DMD: variants seen among roughly 807,000 people sequenced by gnomAD.
DMD encodes the protein mutant dystrophin.
DMD carries 63 observed loss-of-function variants against 330.1 expected under a neutral mutation model. The ratio of observed to expected loss-of-function variants is 0.19; its 90% CI spans 0.16 to 0.24. The LOEUF is 0.24. DMD is among the 10% of genes least tolerant of loss of function. The probability of loss-of-function intolerance (pLI) is 1.00; values close to 1 mark genes in which losing one functional copy is unlikely to be tolerated. For missense variants in DMD, 3,344 were observed against 2,684.1 expected (o/e 1.25, Z -5.43); for synonymous variants, 1,223 against 959.8 (o/e 1.27, Z -5.07).
chrX:32,922,121 A>G (rs913768840), intron 2 of DMD, among the ~76,000 whole-genome samples: 2 of 110,774 alleles, frequency 1.8e-5, no homozygotes, highest in Admixed American at 1.9e-4. Flanking sequence ...AGGCTCCCCC[A>G]AAGGACTGAA....
intron 1 of DMD, among the ~76,000 whole-genome samples, chrX:33,172,995 A>G (rs936212596): frequency 1.8e-5 from 2 of 111,549 alleles, no homozygotes; most frequent in African/African-American, 3.2e-5. Flanking sequence ...CTTACTTAAC[A>G]AATTTTTTTT....
intron 17 of DMD, among the ~76,000 whole-genome samples, chrX:32,530,180 T>C (rs2047347554): frequency 8.9e-6 from 1 of 112,427 alleles, no homozygotes. Flanking sequence ...AATTATGGCA[T>C]ACCGAATTAT....
chrX:31,783,412 G>A (rs765024143), intron 50 of DMD, among the ~76,000 whole-genome samples: 154 of 110,815 alleles, frequency 1.4e-3, no homozygotes, highest in African/African-American at 4.9e-3. Context: ...AATAATTAGT[G>A]ATGTGTTTTG....
At chrX:33,174,101 A>G (rs1374245910) in intron 1 of DMD, among the ~76,000 whole-genome samples, 6 of 109,532 alleles carry the variant, frequency 5.5e-5, no homozygotes, top group Non-Finnish European at 1.1e-4. Flanking sequence ...TTGAGGGTAG[A>G]ATGACAAGGG....
At chrX:31,322,905 C>A (rs1167481484) in intron 62 of DMD, among the ~76,000 whole-genome samples, 1 of 111,631 alleles carries the variant, frequency 9.0e-6, no homozygotes, top group Non-Finnish European at 1.9e-5. Flanking sequence ...GACTCTAGTG[C>A]ACAATGGATG....
chrX:31,263,804 A>G (rs1424104805), intron 62 of DMD, among the ~76,000 whole-genome samples: 2 of 113,007 alleles, frequency 1.8e-5, no homozygotes, highest in African/African-American at 6.4e-5. Flanking sequence ...AGAAGTGAGC[A>G]CAAGTGGAAA....
intron 44 of DMD, among the ~76,000 whole-genome samples, chrX:32,018,395 A>T (rs1167033688): frequency 9.0e-6 from 1 of 111,265 alleles, no homozygotes; most frequent in Non-Finnish European, 1.9e-5. Flanking sequence ...TTGGCTGCTC[A>T]ATATACCACC....
chrX:31,694,979 T>C (rs1396633711), intron 52 of DMD, among the ~76,000 whole-genome samples: 5 of 110,998 alleles, frequency 4.5e-5, no homozygotes, highest in Non-Finnish European at 9.5e-5. Context: ...CTCACATTGT[T>C]GTAGCACTGT....
intron 63 of DMD, among the ~76,000 whole-genome samples, chrX:31,225,265 T>C (rs763534991): frequency 8.9e-6 from 1 of 112,092 alleles, no homozygotes; most frequent in South Asian, 3.7e-4. Context: ...ACTCCAAGGG[T>C]GGTTGGCTAG....
intron 63 of DMD, among the ~76,000 whole-genome samples, chrX:31,254,305 A>G (rs1208693846): frequency 9.2e-6 from 1 of 109,012 alleles, no homozygotes; most frequent in Admixed American, 9.8e-5. Context: ...CCATTGGGGA[A>G]CCACATATTT....
chrX:32,286,628 T>TGA (rs1443031188), intron 43 of DMD, among the ~76,000 whole-genome samples: 2 of 111,842 alleles, frequency 1.8e-5, no homozygotes, highest in Admixed American at 9.5e-5. Context: ...TGACGGCCAC[T>TGA]GAAAGATCGT....
intron 43 of DMD, among the ~76,000 whole-genome samples, chrX:32,270,389 G>A (rs1159111445): frequency 8.9e-6 from 1 of 112,030 alleles, no homozygotes; most frequent in East Asian, 2.8e-4. Context: ...TCAACAAATT[G>A]TAAGTTGGGC....
intron 1 of DMD, among the ~76,000 whole-genome samples, chrX:33,096,327 T>G (rs2095164141): frequency 9.0e-6 from 1 of 111,304 alleles, no homozygotes; most frequent in Non-Finnish European, 1.9e-5. Flanking sequence ...AAAAAGCTCT[T>G]TGTGAATGCA....
intron 7 of DMD, among the ~76,000 whole-genome samples, chrX:32,746,583 A>T (rs2070044885): frequency 8.9e-6 from 1 of 111,896 alleles, no homozygotes; most frequent in Non-Finnish European, 1.9e-5. Flanking sequence ...TAATCGACAC[A>T]TAATTATGCA....
chrX:33,010,879 C>T (rs2093689501), intron 2 of DMD, among the ~76,000 whole-genome samples: 1 of 111,283 alleles, frequency 9.0e-6, no homozygotes, highest in African/African-American at 3.3e-5. Flanking sequence ...TCAGCATCAG[C>T]ATCACCTGAG....
At chrX:32,860,118 CACAA>C (rs1046893303) in intron 2 of DMD, among the ~76,000 whole-genome samples, 24 of 111,907 alleles carry the variant, frequency 2.1e-4, no homozygotes, top group African/African-American at 7.1e-4. Flanking sequence ...AATACGGAAG[CACAA>C]ACAGTGTTCA....
chrX:32,607,422 G>T (rs2056819829), intron 12 of DMD, among the ~76,000 whole-genome samples: 1 of 103,452 alleles, frequency 9.7e-6, no homozygotes, highest in Non-Finnish European at 2.0e-5. Flanking sequence ...ATAGTTTAGT[G>T]CTTTTTTAGT....
intron 55 of DMD, among the ~76,000 whole-genome samples, chrX:31,556,896 T>C (rs944616485): frequency 9.0e-6 from 1 of 111,451 alleles, no homozygotes; most frequent in Admixed American, 9.5e-5. Flanking sequence ...AAATTAAATA[T>C]GCAATTTGGA....
chrX:31,488,326 T>A (rs761089453), intron 57 of DMD, among the ~76,000 whole-genome samples: 1 of 112,279 alleles, frequency 8.9e-6, no homozygotes, highest in Non-Finnish European at 1.9e-5. Flanking sequence ...TTCTGAAATG[T>A]TAGTAGAAAT....
Sources: gnomAD v4.1 joint callset for allele counts (sites outside exome capture counted in the v4.1 genomes callset) on GRCh38, gnomAD v4.1.1 for gene constraint, MANE v1.5 for transcripts, NCBI Gene and HGNC (gene_info 2026-07-23, HGNC 2026-07-21) for gene names.